Variants in AFTPH observed in about 807,000 individuals in gnomAD.
AFTPH encodes aftiphilin.
A neutral mutation model predicts 72.5 loss-of-function variants in AFTPH; 7 were observed. That is an observed-to-expected ratio of 0.10 (90% CI 0.05 to 0.18). AFTPH has a LOEUF of 0.18. Ranked by LOEUF, AFTPH falls within the 10% of genes least tolerant of loss-of-function variation. The probability of loss-of-function intolerance (pLI) is 1.00; values close to 1 mark genes in which losing one functional copy is unlikely to be tolerated. For missense variants in AFTPH, 979 were observed against 1,060.5 expected (o/e 0.92, Z 1.07); for synonymous variants, 337 against 370.1 (o/e 0.91, Z 1.03).
At chr2:64,549,874 G>C (rs1473058709) in intron 1 of AFTPH, among the ~76,000 whole-genome samples, 1 of 152,044 alleles carries the variant, frequency 6.6e-6, no homozygotes, top group Non-Finnish European at 1.5e-5. Context: ...TTCCCTAAAA[G>C]TAGAAGAAAA....
intron 2 of AFTPH, among the ~76,000 whole-genome samples, chr2:64,564,792 A>G (rs1181794957): frequency 6.6e-6 from 1 of 151,908 alleles, no homozygotes; most frequent in Non-Finnish European, 1.5e-5. Flanking sequence ...TGAGAAACTC[A>G]TTACAGGATG....
At chr2:64,537,639 CAA>C (rs1319956640) in intron 1 of AFTPH, among the ~76,000 whole-genome samples, 1 of 151,920 alleles carries the variant, frequency 6.6e-6, no homozygotes, top group African/African-American at 2.4e-5. Context: ...TAAAATTTGC[CAA>C]AGTGTTCCAG....
chr2:64,563,427 T>C (rs554450167), intron 2 of AFTPH, among the ~76,000 whole-genome samples: 233 of 152,332 alleles, frequency 1.5e-3, no homozygotes, highest in Non-Finnish European at 2.7e-3. Context: ...ATAGCAATGA[T>C]TTCTTTAAAA....
In AFTPH at chr2:64,571,029, G is replaced by A. The variant is rs945030458; in HGVS notation, c.2271+1350G>A. 4.2e-5 allele frequency among the ~76,000 whole-genome samples: 6 copies of A among 143,280 alleles called. No homozygotes were observed. The South Asian group carries it at 6.5e-4, about 16-fold the overall frequency. 94.0% of individuals were successfully genotyped at this position (143,280 alleles called of 152,430 possible). On this transcript the variant is annotated intron_variant, in intron 5 of 8. Coordinates refer to ENST00000238856, the Ensembl canonical transcript of AFTPH. Reference sequence around the variant, plus strand: ...TATTTAATGAATTTAAATGTATCTCGCCCTCCCCCATCTTTGTGATATCTT... The same window carrying A: ...TATTTAATGAATTTAAATGTATCTCACCCTCCCCCATCTTTGTGATATCTT...
chr2:64,570,058 G>A (rs2287534), intron 5 of AFTPH, among the ~76,000 whole-genome samples: 52,755 of 151,956 alleles, frequency 0.35, 9,285 homozygotes, highest in South Asian at 0.39. Flanking sequence ...GCAATATTGA[G>A]GCTATAGATG....
intron 8 of AFTPH, among the ~76,000 whole-genome samples, chr2:64,588,018 T>G (rs892687480): frequency 2.0e-5 from 3 of 152,194 alleles, no homozygotes; most frequent in Admixed American, 2.0e-4. Flanking sequence ...TTTAGTATAT[T>G]CACAAGGTTG....
At chr2:64,540,583 G>C (rs2103856073) in intron 1 of AFTPH, among the ~76,000 whole-genome samples, 1 of 152,216 alleles carries the variant, frequency 6.6e-6, no homozygotes, top group East Asian at 1.9e-4. Flanking sequence ...ATAACTCATT[G>C]CTGTTTAACA....
intron 2 of AFTPH, among the ~76,000 whole-genome samples, chr2:64,563,373 T>C (rs1297738622): frequency 6.6e-6 from 1 of 152,232 alleles, no homozygotes; most frequent in East Asian, 1.9e-4. Flanking sequence ...CTCTCACAGT[T>C]TTGATACACC....
intron 1 of AFTPH, among the ~76,000 whole-genome samples, chr2:64,539,043 T>C (rs947244741): frequency 6.6e-6 from 1 of 152,198 alleles, no homozygotes; most frequent in Non-Finnish European, 1.5e-5. Flanking sequence ...GGGGATTTTT[T>C]TTCTCAGTAT....
At chr2:64,576,751 T>C (rs1189252843) in intron 6 of AFTPH, among the ~76,000 whole-genome samples, 1 of 152,154 alleles carries the variant, frequency 6.6e-6, no homozygotes, top group African/African-American at 2.4e-5. Context: ...TGTAGTTCCA[T>C]GCTCACTTTT....
At chr2:64,557,504 C>T (rs901900797) in intron 2 of AFTPH, among the ~76,000 whole-genome samples, 18 of 152,144 alleles carry the variant, frequency 1.2e-4, no homozygotes, top group African/African-American at 3.1e-4. Flanking sequence ...GTTTTTGAGA[C>T]GGAATCTTGC....
intron 3 of AFTPH, 128 bp from the exon 4 acceptor site, chr2:64,568,964 G>T: frequency 2.0e-6 from 2 of 1,007,842 alleles, no homozygotes; most frequent in Non-Finnish European, 3.1e-6. Flanking sequence ...CATTCAAATA[G>T]TTATACACTT....
chr2:64,582,596 A>G (rs1178933162), intron 7 of AFTPH, among the ~76,000 whole-genome samples: 1 of 152,142 alleles, frequency 6.6e-6, no homozygotes, highest in East Asian at 1.9e-4. Context: ...GGGTGAGCTA[A>G]TTGTCTGACA....
intron 7 of AFTPH, 154 bp downstream of exon 7, chr2:64,579,700 CAAG>C: frequency 1.6e-6 from 1 of 606,300 alleles, no homozygotes; most frequent in Non-Finnish European, 2.8e-6. Flanking sequence ...AGTAATTGCT[CAAG>C]AAACCAGCCG....
At chr2:64,569,708 T>C in intron 5 of AFTPH, 29 bp downstream of exon 5, 1 of 1,586,698 alleles carries the variant, frequency 6.3e-7, no homozygotes. Flanking sequence ...CTGCATGTAT[T>C]TATCATTACT....
intron 1 of AFTPH, among the ~76,000 whole-genome samples, chr2:64,537,388 A>G (rs1040552642): frequency 2.6e-5 from 4 of 152,354 alleles, no homozygotes; most frequent in South Asian, 2.1e-4. Flanking sequence ...CAATTTACCT[A>G]TGTAACAAAC....
At chr2:64,584,299 A>G (rs1673373998) in intron 7 of AFTPH, among the ~76,000 whole-genome samples, 1 of 152,138 alleles carries the variant, frequency 6.6e-6, no homozygotes, top group Non-Finnish European at 1.5e-5. Flanking sequence ...TACATGAGAA[A>G]TACACAAAGT....
At chr2:64,592,115 T>TTA (rs1673865222) in exon 9 of AFTPH, 2 of 846,502 alleles carry the variant, frequency 2.4e-6, no homozygotes, top group Non-Finnish European at 3.1e-6. Flanking sequence ...CTGCTCTAAT[T>TTA]AAAAAAAAAA....
intron 3 of AFTPH, among the ~76,000 whole-genome samples, chr2:64,568,091 C>T (rs979050304): frequency 6.6e-6 from 1 of 151,878 alleles, no homozygotes; most frequent in African/African-American, 2.4e-5. Context: ...ACCTAAACTC[C>T]CTGCCTTTTT....
Sources: allele counts gnomAD v4.1 joint callset (sites outside exome capture counted in the v4.1 genomes callset), GRCh38; gene constraint gnomAD v4.1.1; transcripts MANE v1.5; gene names NCBI Gene and HGNC (gene_info 2026-07-23, HGNC 2026-07-21).